POLR3B: variants seen among roughly 807,000 people sequenced by gnomAD.
The protein encoded by POLR3B is RNA polymerase III subunit B.
In POLR3B, 96 loss-of-function variants were observed where a neutral mutation model predicts 147.4. The ratio of observed to expected loss-of-function variants is 0.65; its 90% CI spans 0.55 to 0.77. The LOEUF is 0.77. Among genes scored for constraint, POLR3B ranks in the 30% least tolerant of loss-of-function variants. POLR3B has a pLI of 0.00. For missense variants in POLR3B, 1,036 were observed against 1,413.5 expected (o/e 0.73, Z 4.28); for synonymous variants, 461 against 485.9 (o/e 0.95, Z 0.67).
At chr12:106,495,815 A>G in intron 23 of POLR3B, 1 of 641,660 alleles carries the variant, frequency 1.6e-6, no homozygotes, top group Admixed American at 2.3e-5. Context: ...CAACAGCACC[A>G]TTGTGTGCTA....
intron 6 of POLR3B, among the ~76,000 whole-genome samples, chr12:106,370,623 G>GTTTTTTTTTTT (rs2036591764): frequency 2.1e-5 from 3 of 140,370 alleles, no homozygotes; most frequent in African/African-American, 7.9e-5. Context: ...TGTTTTTTTT[G>GTTTTTTTTTTT]TTTTATTGTT....
chr12:106,456,937 A>G (rs2037872435), intron 20 of POLR3B, among the ~76,000 whole-genome samples: 1 of 152,206 alleles, frequency 6.6e-6, no homozygotes, highest in Non-Finnish European at 1.5e-5. Flanking sequence ...GACAGTAGGT[A>G]GGGGACAAGT....
intron 12 of POLR3B, among the ~76,000 whole-genome samples, chr12:106,412,430 A>T (rs2037240532): frequency 6.6e-6 from 1 of 152,218 alleles, no homozygotes. Flanking sequence ...TCTTCAATCC[A>T]GTAAGACTGC....
intron 23 of POLR3B, among the ~76,000 whole-genome samples, chr12:106,488,142 C>T (rs946652145): frequency 2.6e-5 from 4 of 152,210 alleles, no homozygotes; most frequent in African/African-American, 7.2e-5. Context: ...GATTCACTCA[C>T]AGTGTACTTT....
chr12:106,496,710 T>G, intron 24 of POLR3B, 42 bp from the exon 25 acceptor site: 1 of 1,581,736 alleles, frequency 6.3e-7, no homozygotes, highest in East Asian at 2.2e-5. Context: ...AGAGTGCTTG[T>G]GCCACAGGGA....
chr12:106,394,617 C>A (rs1398672931), intron 10 of POLR3B, among the ~76,000 whole-genome samples: 1 of 152,092 alleles, frequency 6.6e-6, no homozygotes, highest in Non-Finnish European at 1.5e-5. Flanking sequence ...GTCAAATAAC[C>A]CTAGCATTGT....
chr12:106,478,940 A>G (rs2038222816), intron 23 of POLR3B, among the ~76,000 whole-genome samples: 1 of 151,298 alleles, frequency 6.6e-6, no homozygotes, highest in African/African-American at 2.4e-5. Flanking sequence ...TTGTAATGTC[A>G]CTCTTCTTCC....
At chr12:106,389,484 C>CA (rs2036885128) in intron 9 of POLR3B, among the ~76,000 whole-genome samples, 2 of 152,174 alleles carry the variant, frequency 1.3e-5, no homozygotes, top group African/African-American at 4.8e-5. Flanking sequence ...CACTTAGATT[C>CA]AGCATCAAGA....
chr12:106,502,698 A>T (rs78311336), intron 26 of POLR3B, among the ~76,000 whole-genome samples: 120 of 152,252 alleles, frequency 7.9e-4, no homozygotes, highest in Non-Finnish European at 1.3e-3. Context: ...GTGTCTGTTG[A>T]AATGATAGAC....
chr12:106,443,224 G>T (rs2037676039), intron 18 of POLR3B, among the ~76,000 whole-genome samples: 1 of 152,038 alleles, frequency 6.6e-6, no homozygotes, highest in South Asian at 2.1e-4. Context: ...TCTGGTGTGT[G>T]CTTACAGCAC....
chr12:106,479,022 G>C (rs2038224063), intron 23 of POLR3B, among the ~76,000 whole-genome samples: 1 of 152,042 alleles, frequency 6.6e-6, no homozygotes, highest in African/African-American at 2.4e-5. Flanking sequence ...CTCTCTGGAA[G>C]CTTTTACTAT....
chr12:106,501,051 C>T (rs1329093527), intron 25 of POLR3B, among the ~76,000 whole-genome samples: 3 of 152,166 alleles, frequency 2.0e-5, no homozygotes, highest in African/African-American at 7.2e-5. Context: ...GTGGCCTGAC[C>T]AGGGAGGTCA....
intron 23 of POLR3B, among the ~76,000 whole-genome samples, chr12:106,469,266 C>T: frequency 8.3e-6 from 1 of 120,618 alleles, no homozygotes; most frequent in East Asian, 2.0e-4. Context: ...ATTGCAACCC[C>T]TGCTTTTTTT....
At chr12:106,396,383 TA>T (rs1254175965) in intron 10 of POLR3B, among the ~76,000 whole-genome samples, 4 of 152,188 alleles carry the variant, frequency 2.6e-5, no homozygotes, top group African/African-American at 9.7e-5. Flanking sequence ...TAATTTATCT[TA>T]AACTTTAATG....
chr12:106,438,769 G>T (rs943184324), intron 18 of POLR3B, among the ~76,000 whole-genome samples: 1 of 152,222 alleles, frequency 6.6e-6, no homozygotes, highest in African/African-American at 2.4e-5. Flanking sequence ...CTCTGTTAGA[G>T]ATGATTTTTG....
At chr12:106,452,357 CT>C (rs1379429562) in intron 19 of POLR3B, among the ~76,000 whole-genome samples, 3 of 152,154 alleles carry the variant, frequency 2.0e-5, no homozygotes, top group Non-Finnish European at 4.4e-5. Context: ...AACTATTTTG[CT>C]GTTCATCCAT....
chr12:106,475,836 T>C (rs2038160468), intron 23 of POLR3B, among the ~76,000 whole-genome samples: 1 of 150,988 alleles, frequency 6.6e-6, no homozygotes, highest in South Asian at 2.1e-4. Flanking sequence ...CCAGTCTGTG[T>C]CTTTTAATTG....
At chr12:106,498,520 A>G (rs1025546665) in intron 25 of POLR3B, among the ~76,000 whole-genome samples, 4 of 151,940 alleles carry the variant, frequency 2.6e-5, no homozygotes, top group African/African-American at 7.3e-5. Flanking sequence ...TAGTGTTTCT[A>G]GTGTTCTTCT....
intron 26 of POLR3B, 29 bp downstream of exon 26, chr12:106,501,465 T>A: frequency 1.6e-6 from 2 of 1,278,666 alleles, no homozygotes; most frequent in South Asian, 2.4e-5. Flanking sequence ...CAAAAAGAAT[T>A]GATAATGCAG....
Sources: gnomAD v4.1 joint callset for allele counts (sites outside exome capture counted in the v4.1 genomes callset) on GRCh38, gnomAD v4.1.1 for gene constraint, MANE v1.5 for transcripts, NCBI Gene and HGNC (gene_info 2026-07-23, HGNC 2026-07-21) for gene names.